PCGF3: variants seen among roughly 807,000 people sequenced by gnomAD.
The protein encoded by PCGF3 is polycomb group RING finger protein 3.
In PCGF3, 7 loss-of-function variants were observed where a neutral mutation model predicts 33.1. That is an observed-to-expected ratio of 0.21 (90% confidence interval 0.12 to 0.40). PCGF3 has a LOEUF of 0.40. PCGF3 is among the 10% of genes least tolerant of loss of function. The pLI, the probability that PCGF3 is intolerant of heterozygous loss-of-function variation, is 1.00. For synonymous variants in PCGF3, 153 were observed against 121.3 expected (o/e 1.26, Z -1.72); for missense variants, 211 against 313.3 (o/e 0.67, Z 2.46).
intron 6 of PCGF3, among the ~76,000 whole-genome samples, chr4:740,445 G>T (rs572860861): frequency 6.6e-6 from 1 of 152,256 alleles, no homozygotes; most frequent in African/African-American, 2.4e-5. Flanking sequence ...TCCATTCTCA[G>T]TCTCAGCCCA....
intron 1 of PCGF3, among the ~76,000 whole-genome samples, chr4:712,517 G>A (rs1308016592): frequency 2.6e-5 from 4 of 152,242 alleles, no homozygotes; most frequent in Non-Finnish European, 5.9e-5. Flanking sequence ...GCGCGATCTC[G>A]GCTCACTGCA....
At position 742,940 on chromosome 4, in the gene PCGF3, T is replaced by G. The variant is rs190136547; in HGVS notation, c.263-534T>G. On this transcript the variant is annotated intron_variant, in intron 6 of 10. Coordinates refer to ENST00000362003, the Ensembl canonical transcript of PCGF3. ...GCTCTCGGGCCCTCGAGGGCTCTCT[T>G]GGGGTTCCTCAGTGGTGGCCTTGGG... Among the ~76,000 whole-genome samples the G allele has an allele frequency of 4.7e-3, 718 of 152,304 alleles. 1 individual carries two copies. Among genetic ancestry groups the G allele is most frequent in the Non-Finnish European group, 7.8e-3 (533 of 68,006 alleles).
intron 5 of PCGF3, 144 bp from the exon 6 acceptor site, chr4:737,322 A>G (rs967776645): frequency 4.6e-6 from 3 of 648,000 alleles, no homozygotes; most frequent in African/African-American, 3.6e-5. Context: ...TTGGTGACAC[A>G]TTTTTTCATG....
At chr4:734,354 G>A (rs567627958) in intron 4 of PCGF3, 63 of 1,422,678 alleles carry the variant, frequency 4.4e-5, no homozygotes, top group African/African-American at 3.0e-4. Context: ...CGCTGTGTGC[G>A]TCTCTTGATG....
intron 8 of PCGF3, among the ~76,000 whole-genome samples, chr4:752,874 A>C (rs1744588741): frequency 6.6e-6 from 1 of 152,236 alleles, no homozygotes; most frequent in Non-Finnish European, 1.5e-5. Flanking sequence ...CTTCGTTTTC[A>C]GAGCCTCGGG....
intron 4 of PCGF3, 57 bp downstream of exon 4, chr4:733,846 T>G: frequency 6.2e-7 from 1 of 1,612,944 alleles, no homozygotes; most frequent in South Asian, 1.1e-5. Context: ...CTCTGTGCTC[T>G]TCAGAACCTT....
chr4:767,946 A>G (rs1745452325), exon 11 of PCGF3: 1 of 152,796 alleles, frequency 6.5e-6, no homozygotes, highest in African/African-American at 2.4e-5. Flanking sequence ...GAACTTAGGC[A>G]TTTTCCTGTG....
chr4:722,051 A>G (rs1041141572), intron 1 of PCGF3, among the ~76,000 whole-genome samples: 2 of 152,148 alleles, frequency 1.3e-5, no homozygotes, highest in East Asian at 1.9e-4. Flanking sequence ...ATCGGAGCAC[A>G]TCGCGTAGTG....
chr4:708,283 A>C (rs1216848239), intron 1 of PCGF3, among the ~76,000 whole-genome samples: 1 of 152,096 alleles, frequency 6.6e-6, no homozygotes, highest in Non-Finnish European at 1.5e-5. Context: ...GAGAGCTGGA[A>C]CTTCCAGACA....
intron 1 of PCGF3, among the ~76,000 whole-genome samples, chr4:716,716 A>T (rs36107174): frequency 1.1e-3 from 63 of 59,912 alleles, no homozygotes; most frequent in Admixed American, 2.0e-3. Context: ...TGGGACCCTG[A>T]AGACACTGAG....
chr4:707,674 G>T (rs1441795541), intron 1 of PCGF3, among the ~76,000 whole-genome samples: 1 of 138,026 alleles, frequency 7.2e-6, no homozygotes, highest in Non-Finnish European at 1.6e-5. Context: ...TCGGGACCCT[G>T]GGACAGCTCT....
chr4:723,170 G>A (rs1280481989), intron 1 of PCGF3, among the ~76,000 whole-genome samples: 4 of 150,982 alleles, frequency 2.6e-5, no homozygotes, highest in Admixed American at 6.6e-5. Context: ...GTCCACACTC[G>A]GTCATCGCCA....
At chr4:767,217 G>C (rs1339783836) in exon 11 of PCGF3, 1 of 152,218 alleles carries the variant, frequency 6.6e-6, no homozygotes, top group African/African-American at 2.4e-5. Flanking sequence ...CATTTCAGCT[G>C]AATCTGTGTT....
chr4:761,512 C>A lies in PCGF3; in HGVS notation c.600+96C>A, dbSNP rs554520232. Reference sequence around the variant, plus strand: ...TTGCTTAGTTTTGTTTTGTTTTTAACAATTTTGGAGATTTTAACCAGAAAA... The same window carrying A: ...TTGCTTAGTTTTGTTTTGTTTTTAAAAATTTTGGAGATTTTAACCAGAAAA... On this transcript the variant is annotated intron_variant, in intron 9 of 10. Transcript: ENST00000362003. 67 of 1,441,308 alleles carry A rather than the reference C, an allele frequency of 4.6e-5. No homozygotes were observed. In the African/African-American group the frequency reaches 8.1e-4, roughly 17 times the overall value. 89.3% of individuals were successfully genotyped at this position (1,441,308 alleles called of 1,614,324 possible).
chr4:768,126 TTAAA>T (rs1745459936), exon 11 of PCGF3: 1 of 152,686 alleles, frequency 6.5e-6, no homozygotes, highest in South Asian at 2.1e-4. Context: ...GCTGATAGAT[TTAAA>T]TACACAGACG....
At chr4:753,943 C>A (rs1217404004) in intron 8 of PCGF3, among the ~76,000 whole-genome samples, 2 of 152,192 alleles carry the variant, frequency 1.3e-5, no homozygotes, top group Non-Finnish European at 2.9e-5. Context: ...TTCTACGAAC[C>A]CTACATTCAG....
intron 1 of PCGF3, among the ~76,000 whole-genome samples, chr4:716,684 T>G (rs546568968): frequency 7.1e-6 from 1 of 140,554 alleles, no homozygotes; most frequent in South Asian, 2.5e-4. Flanking sequence ...GTAGACACTG[T>G]GTGAGAACTG....
At chr4:734,633 T>A in intron 4 of PCGF3, 2 of 1,245,524 alleles carry the variant, frequency 1.6e-6, no homozygotes, top group Non-Finnish European at 2.0e-6. Context: ...CATGTTCTGA[T>A]GACCCACAGC....
At position 761,726 on chromosome 4, in the gene PCGF3, C is replaced by T. The variant is rs1745069944; in HGVS notation, c.600+310C>T. 5.1e-6 allele frequency: 5 copies of T among 985,276 alleles called. No homozygotes were observed. The South Asian group carries it at 1.9e-4, about 37-fold the overall frequency. The allele number at this position is 985,276 out of a possible 1,614,324, so 61.0% of individuals were successfully genotyped here. The stretch of plus-strand genomic sequence containing the variant: ...CGAGAAATTCTGTGCTTTAATTTCA[C>T]AAGGGGAGACATGGGCGGATGCAGA... On this transcript the variant is annotated intron_variant, in intron 9 of 10. Transcript: ENST00000362003.
Sources: allele counts gnomAD v4.1 joint callset (sites outside exome capture counted in the v4.1 genomes callset), GRCh38; gene constraint gnomAD v4.1.1; transcripts MANE v1.5; gene names NCBI Gene and HGNC (gene_info 2026-07-23, HGNC 2026-07-21).